PDE11A: variants seen among roughly 807,000 people sequenced by gnomAD.
The protein encoded by PDE11A is dual 3',5'-cyclic-AMP and -GMP phosphodiesterase 11A.
A neutral mutation model predicts 100.5 loss-of-function variants in PDE11A; 100 were observed. The ratio of observed to expected loss-of-function variants is 1.00; its 90% CI spans 0.85 to 1.18. The LOEUF (loss-of-function observed/expected upper bound fraction) is 1.18. PDE11A is among the 50% of genes most tolerant of loss of function. PDE11A has a pLI of 0.00. For synonymous variants in PDE11A, 381 were observed against 420.8 expected, an observed-to-expected ratio of 0.91 and a Z score of 1.16; for missense variants, 1,141 against 1,152.6, an observed-to-expected ratio of 0.99 and a Z score of 0.15.
chr2:177,928,517 C>CAGAG (rs144037679), intron 2 of PDE11A, among the ~76,000 whole-genome samples: 2 of 150,630 alleles, frequency 1.3e-5, no homozygotes, highest in African/African-American at 4.9e-5. Flanking sequence ...GAAAGAGAGA[C>CAGAG]AGAGAGAGAG....
At chr2:177,769,048 T>C (rs1280343873) in intron 10 of PDE11A, among the ~76,000 whole-genome samples, 1 of 152,186 alleles carries the variant, frequency 6.6e-6, no homozygotes, top group Non-Finnish European at 1.5e-5. Context: ...GTCCTGATTC[T>C]CACCATATTA....
intron 13 of PDE11A, among the ~76,000 whole-genome samples, chr2:177,703,914 A>ATCTTTGCC (rs2081239248): frequency 1.3e-5 from 2 of 152,146 alleles, no homozygotes; most frequent in Non-Finnish European, 2.9e-5. Flanking sequence ...ATCTCCCAGT[A>ATCTTTGCC]TTTGTGCAAA....
intron 10 of PDE11A, among the ~76,000 whole-genome samples, chr2:177,755,750 C>A (rs1248070750): frequency 2.0e-5 from 3 of 152,164 alleles, no homozygotes; most frequent in African/African-American, 7.2e-5. Context: ...GAAGGGGTTG[C>A]TGAAAGATGA....
At chr2:178,008,073 AAAAAT>A (rs1473911855) in intron 2 of PDE11A, among the ~76,000 whole-genome samples, 6 of 152,188 alleles carry the variant, frequency 3.9e-5, no homozygotes, top group Non-Finnish European at 8.8e-5. Flanking sequence ...GAAAAGGAAA[AAAAAT>A]GAAATGAGAA....
chr2:177,937,760 G>T (rs556774486), intron 2 of PDE11A, among the ~76,000 whole-genome samples: 2 of 152,286 alleles, frequency 1.3e-5, no homozygotes, highest in East Asian at 3.9e-4. Context: ...AAGGTGAATA[G>T]AAGATCCTGT....
intron 3 of PDE11A, among the ~76,000 whole-genome samples, chr2:177,900,680 C>T (rs2084681359): frequency 6.6e-6 from 1 of 152,104 alleles, no homozygotes; most frequent in Admixed American, 6.5e-5. Context: ...ATCACTTGAA[C>T]CTCGGAGGCG....
At chr2:177,985,617 A>G (rs1041630979) in intron 2 of PDE11A, among the ~76,000 whole-genome samples, 5 of 152,242 alleles carry the variant, frequency 3.3e-5, no homozygotes, top group Non-Finnish European at 5.9e-5. Context: ...GAGGCAATGC[A>G]AGAATTCTGA....
At chr2:177,795,083 C>A (rs2082686470) in intron 9 of PDE11A, among the ~76,000 whole-genome samples, 1 of 152,106 alleles carries the variant, frequency 6.6e-6, no homozygotes, top group African/African-American at 2.4e-5. Flanking sequence ...CTGCACCCAG[C>A]CGGTGTCTGG....
chr2:177,639,081 C>T (rs2080098519), intron 19 of PDE11A, among the ~76,000 whole-genome samples: 1 of 152,186 alleles, frequency 6.6e-6, no homozygotes, highest in Non-Finnish European at 1.5e-5. Context: ...TCAGCAAGAT[C>T]ACTGGGCTCT....
intron 6 of PDE11A, 120 bp downstream of exon 6, chr2:177,840,131 A>G (rs2083465834): frequency 9.5e-7 from 1 of 1,049,772 alleles, no homozygotes; most frequent in South Asian, 1.4e-5. Flanking sequence ...AATGCTAAAA[A>G]TAAGATCACA....
At chr2:177,966,944 T>C (rs1160954018) in intron 2 of PDE11A, among the ~76,000 whole-genome samples, 3 of 152,170 alleles carry the variant, frequency 2.0e-5, no homozygotes, top group Non-Finnish European at 4.4e-5. Context: ...CTCTTCTTTA[T>C]ACATCTGGTA....
chr2:177,926,230 G>C (rs2085122736), intron 2 of PDE11A, among the ~76,000 whole-genome samples: 2 of 150,472 alleles, frequency 1.3e-5, no homozygotes, highest in Middle Eastern at 6.8e-3. Context: ...TTTTTTCATT[G>C]TCTAGGAAAA....
intron 2 of PDE11A, among the ~76,000 whole-genome samples, chr2:178,086,185 C>G (rs1033907799): frequency 6.6e-6 from 1 of 152,218 alleles, no homozygotes; most frequent in Non-Finnish European, 1.5e-5. Context: ...CTGTTTCCAG[C>G]AGGACTGCCG....
At chr2:178,085,477 A>G (rs905257211) in intron 2 of PDE11A, among the ~76,000 whole-genome samples, 9 of 152,206 alleles carry the variant, frequency 5.9e-5, no homozygotes, top group African/African-American at 1.9e-4. Flanking sequence ...CTGAGCATCA[A>G]ACAATATTCC....
chr2:178,033,444 G>A (rs1473596264), intron 1 of PDE11A, among the ~76,000 whole-genome samples: 3 of 152,248 alleles, frequency 2.0e-5, no homozygotes, highest in South Asian at 4.2e-4. Flanking sequence ...TGAAAGTGAC[G>A]GGGAGAATGG....
chr2:178,091,832 C>T (rs2087427301), intron 2 of PDE11A, among the ~76,000 whole-genome samples: 1 of 152,092 alleles, frequency 6.6e-6, no homozygotes, highest in Non-Finnish European at 1.5e-5. Context: ...TTTTCTCCCT[C>T]TCTCTCAGTG....
rs923652498 is a variant in PDE11A at position 177,731,783 on chromosome 2, T to G, written c.1789-3611A>C. Among the ~76,000 whole-genome samples the G allele has an allele frequency of 5.9e-5, 9 of 152,340 alleles. 1 individual carries two copies. Among genetic ancestry groups the G allele is most frequent in the Middle Eastern group, 3.4e-3 (1 of 294 alleles). On this transcript the variant is annotated intron_variant, in intron 10 of 19. Transcript: ENST00000286063. ...TGGGGAGGAGTCTATGGTATAAATC[T>G]GCTTGCCTCTCAGCTTTTCCCATTG...
chr2:177,875,596 TG>T (rs1246273703), intron 5 of PDE11A, among the ~76,000 whole-genome samples: 3 of 151,884 alleles, frequency 2.0e-5, no homozygotes, highest in African/African-American at 7.3e-5. Flanking sequence ...TTAGCCAGGA[TG>T]GTCTCGATCT....
intron 2 of PDE11A, among the ~76,000 whole-genome samples, chr2:177,966,382 T>G (rs1412801579): frequency 6.6e-6 from 1 of 152,176 alleles, no homozygotes; most frequent in Non-Finnish European, 1.5e-5. Context: ...AGTACTATGA[T>G]GAATAGGAAC....
Sources: gnomAD v4.1 joint callset for allele counts (sites outside exome capture counted in the v4.1 genomes callset) on GRCh38, gnomAD v4.1.1 for gene constraint, MANE v1.5 for transcripts, NCBI Gene and HGNC (gene_info 2026-07-23, HGNC 2026-07-21) for gene names.